Variants in TEC observed in about 807,000 individuals in gnomAD.
TEC encodes tec protein tyrosine kinase, also known as tyrosine-protein kinase Tec.
Under a neutral mutation model 93.0 loss-of-function variants are expected in TEC, and 72 were observed. The ratio of observed to expected loss-of-function variants is 0.77; its 90% CI spans 0.64 to 0.94. TEC has a LOEUF of 0.94. TEC is among the 40% of genes least tolerant of loss of function. The pLI is 0.00. For synonymous variants in TEC, 249 were observed against 247.7 expected (o/e 1.01, Z -0.05); for missense variants, 630 against 757.9 (o/e 0.83, Z 1.98).
intron 1 of TEC, among the ~76,000 whole-genome samples, chr4:48,245,471 C>G (rs1323999107): frequency 6.6e-6 from 1 of 152,128 alleles, no homozygotes; most frequent in Non-Finnish European, 1.5e-5. Flanking sequence ...AAAGCTTCAC[C>G]CCACCCAGTA....
At chr4:48,243,987 TAGAGA>T (rs1723990774) in intron 1 of TEC, among the ~76,000 whole-genome samples, 1 of 120,954 alleles carries the variant, frequency 8.3e-6, no homozygotes, top group Non-Finnish European at 1.7e-5. Context: ...AAAAAAGAGG[TAGAGA>T]GATAACCAGC....
chr4:48,143,678 A>AT (rs1719778524), intron 14 of TEC, among the ~76,000 whole-genome samples: 5 of 151,902 alleles, frequency 3.3e-5, no homozygotes, highest in Admixed American at 3.3e-4. Flanking sequence ...CAATTCTCTA[A>AT]TATGTTTTAA....
chr4:48,139,106 A>G, intron 15 of TEC, 84 bp from the exon 16 acceptor site: 1 of 1,221,208 alleles, frequency 8.2e-7, no homozygotes, highest in African/African-American at 1.5e-5. Context: ...TCCCCTTGCA[A>G]TCAAAAACAC....
intron 2 of TEC, among the ~76,000 whole-genome samples, chr4:48,179,994 T>G (rs990128608): frequency 6.6e-6 from 1 of 152,140 alleles, no homozygotes; most frequent in Non-Finnish European, 1.5e-5. Flanking sequence ...CATATCTCCA[T>G]GTACCACCTG....
At chr4:48,212,387 T>G (rs1324967986) in intron 2 of TEC, among the ~76,000 whole-genome samples, 1 of 152,084 alleles carries the variant, frequency 6.6e-6, no homozygotes, top group Non-Finnish European at 1.5e-5. Context: ...AGTCCCCCTT[T>G]GTGGGAAGTA....
At chr4:48,267,008 G>C (rs531410265) in intron 1 of TEC, among the ~76,000 whole-genome samples, 1 of 152,278 alleles carries the variant, frequency 6.6e-6, no homozygotes, top group South Asian at 2.1e-4. Context: ...TTCCACAGTG[G>C]GAAGTCAACA....
chr4:48,196,052 G>A (rs181798770), intron 2 of TEC, among the ~76,000 whole-genome samples: 13 of 152,294 alleles, frequency 8.5e-5, no homozygotes, highest in Admixed American at 8.5e-4. Flanking sequence ...GCAGCAACCA[G>A]TCTTGGAAGG....
chr4:48,215,080 G>A (rs139986617), intron 2 of TEC, among the ~76,000 whole-genome samples: 270 of 152,252 alleles, frequency 1.8e-3, no homozygotes, highest in African/African-American at 5.6e-3. Context: ...TTGAACCCGG[G>A]AGGCGGAGGT....
At position 48,145,556 on chromosome 4, in the gene TEC, C is replaced by A; in HGVS notation, c.1105G>T (p.Glu369Ter). The A allele has an allele frequency of 1.2e-6, 2 of 1,614,098 alleles. No homozygotes were observed. Among genetic ancestry groups the A allele is most frequent in the South Asian group, 1.1e-5 (1 of 91,078 alleles). ...CCCAATTCCCTCATAAAGGTCAGTT[C>A]TGAAGGGTTAATCTCCCATTTCTCT... ...SYEKWEINPS[E>*]LTFMRELGSG... Residue 369 changes from glutamate (E) to a stop codon, truncating the protein, a stop_gained, in exon 13 of 18, where the codon GAA becomes TAA. Coordinates refer to ENST00000381501, the MANE Select transcript of TEC (RefSeq NM_003215.3). LOFTEE classifies it high-confidence loss of function.
In TEC at chr4:48,178,087, A is replaced by G. The variant is rs189553728; in HGVS notation, c.139-1901T>C. ...CCCAGTTCCGTCCACACCTTTCCCTATTCCCTTCATGCCTGGCTATGGAAG... is the reference window on the plus strand; with the variant it reads ...CCCAGTTCCGTCCACACCTTTCCCTGTTCCCTTCATGCCTGGCTATGGAAG... On this transcript the variant is annotated intron_variant, in intron 2 of 17. Coordinates refer to ENST00000381501, the MANE Select transcript of TEC (RefSeq NM_003215.3). Among the ~76,000 whole-genome samples the G allele has an allele frequency of 3.9e-4, 59 of 152,188 alleles. 2 individuals carry two copies. In the East Asian group the frequency reaches 0.011, roughly 29 times the overall value.
chr4:48,174,672 A>G (rs1237518700), intron 3 of TEC, among the ~76,000 whole-genome samples: 1 of 152,066 alleles, frequency 6.6e-6, no homozygotes, highest in Non-Finnish European at 1.5e-5. Flanking sequence ...GGAAAAAAAA[A>G]AAAAGAAGTG....
rs1198597771 is a variant in TEC, at chr4:48,228,521, CAA to C, written c.92_93del (p.Phe31CysfsTer11). On this transcript the variant is annotated frameshift_variant, in exon 2 of 18. Transcript: ENST00000381501. LOFTEE classifies it high-confidence loss of function. ...TSPLNYKERL[F>X]VLTKSMLTYY... is the part of the protein sequence containing the mutation. The stretch of plus-strand genomic sequence containing the variant: ...TAGGTTAGCATGGACTTTGTAAGTA[CAA>C]AAAGTCTCTCTTTGTAGTTTAAGGG... 8.1e-6 allele frequency: 13 copies of C among 1,612,944 alleles called. No homozygotes were observed. Among genetic ancestry groups the C allele is most frequent in the Non-Finnish European group, 1.1e-5 (13 of 1,179,904 alleles).
chr4:48,177,256 A>G (rs902694736), intron 2 of TEC, among the ~76,000 whole-genome samples: 1 of 152,268 alleles, frequency 6.6e-6, no homozygotes, highest in Non-Finnish European at 1.5e-5. Context: ...TAGAAATAAA[A>G]AATATTTGCT....
At chr4:48,170,525 A>G (rs528681444) in intron 4 of TEC, 149 bp from the exon 5 acceptor site, 2 of 548,788 alleles carry the variant, frequency 3.6e-6, no homozygotes, top group East Asian at 6.2e-5. Flanking sequence ...CATTCAGAAA[A>G]GCTCTATAGT....
chr4:48,137,735 T>A (rs2071027), intron 17 of TEC, among the ~76,000 whole-genome samples: 3 of 151,982 alleles, frequency 2.0e-5, no homozygotes, highest in African/African-American at 7.2e-5. Flanking sequence ...CCCTGATAGA[T>A]CTTTTTACTG....
chr4:48,207,502 C>A (rs1373053250), intron 2 of TEC, among the ~76,000 whole-genome samples: 4 of 151,816 alleles, frequency 2.6e-5, no homozygotes, highest in Non-Finnish European at 5.9e-5. Context: ...AATTTCCAGG[C>A]CAGGCATGGT....
At chr4:48,202,591 A>G (rs1057396381) in intron 2 of TEC, among the ~76,000 whole-genome samples, 4 of 152,152 alleles carry the variant, frequency 2.6e-5, no homozygotes, top group African/African-American at 9.7e-5. Flanking sequence ...AAACTTAACA[A>G]CAATGGCAAT....
At chr4:48,206,958 C>T (rs1722738416) in intron 2 of TEC, among the ~76,000 whole-genome samples, 1 of 151,876 alleles carries the variant, frequency 6.6e-6, no homozygotes, top group African/African-American at 2.4e-5. Flanking sequence ...AACTAAGTCT[C>T]AAAAACAAAA....
intron 1 of TEC, among the ~76,000 whole-genome samples, chr4:48,257,508 C>T (rs186669788): frequency 6.6e-6 from 1 of 152,300 alleles, no homozygotes; most frequent in Admixed American, 6.5e-5. Context: ...GACTTCTGGA[C>T]TCCAGCTCCA....
Sources: allele counts gnomAD v4.1 joint callset (sites outside exome capture counted in the v4.1 genomes callset), GRCh38; gene constraint gnomAD v4.1.1; transcripts MANE v1.5; gene names NCBI Gene and HGNC (gene_info 2026-07-23, HGNC 2026-07-21).